The following KCNT2 variants were observed in gnomAD, a reference collection of about 807,000 sequenced individuals.
The protein encoded by KCNT2 is potassium sodium-activated channel subfamily T member 2.
KCNT2 carries 67 observed loss-of-function variants against 153.8 expected under a neutral mutation model. That is an observed-to-expected ratio of 0.44 (90% CI 0.36 to 0.53). The LOEUF is 0.53. Among genes scored for constraint, KCNT2 ranks in the 20% least tolerant of loss-of-function variants. KCNT2 has a pLI of 0.00. For synonymous variants in KCNT2, 500 were observed against 458.8 expected, an observed-to-expected ratio of 1.09 and a Z score of -1.15; for missense variants, 975 against 1,354.8, an observed-to-expected ratio of 0.72 and a Z score of 4.40.
chr1:196,484,588 G>C (rs1421368196), intron 3 of KCNT2, among the ~76,000 whole-genome samples: 1 of 152,036 alleles, frequency 6.6e-6, no homozygotes, highest in Non-Finnish European at 1.5e-5. Context: ...TTTTTGTCAT[G>C]AAGTCTTTGC....
intron 14 of KCNT2, among the ~76,000 whole-genome samples, chr1:196,352,505 A>G (rs1164997757): frequency 6.6e-6 from 1 of 152,156 alleles, no homozygotes; most frequent in African/African-American, 2.4e-5. Context: ...AGGTGTTTGT[A>G]GTATTCTCTG....
At chr1:196,386,359 T>C (rs1669985131) in intron 13 of KCNT2, among the ~76,000 whole-genome samples, 1 of 152,178 alleles carries the variant, frequency 6.6e-6, no homozygotes, top group African/African-American at 2.4e-5. Context: ...AGTTTTGGGA[T>C]AGTTATGCAG....
At chr1:196,371,028 A>C (rs1156798287) in intron 14 of KCNT2, among the ~76,000 whole-genome samples, 1 of 151,880 alleles carries the variant, frequency 6.6e-6, no homozygotes, top group East Asian at 1.9e-4. Flanking sequence ...CCTGAATCTA[A>C]AGCAAAACCA....
At chr1:196,311,813 A>C (rs1052745896) in intron 21 of KCNT2, among the ~76,000 whole-genome samples, 1 of 151,700 alleles carries the variant, frequency 6.6e-6, no homozygotes, top group Non-Finnish European at 1.5e-5. Flanking sequence ...TTCTCAGTAA[A>C]ATGAAAATAA....
chr1:196,368,684 A>G (rs1356435233), intron 14 of KCNT2, among the ~76,000 whole-genome samples: 1 of 152,106 alleles, frequency 6.6e-6, no homozygotes, highest in Non-Finnish European at 1.5e-5. Context: ...ATTATGCTAT[A>G]CTATATTTGC....
At chr1:196,311,483 T>C (rs1489996675) in intron 21 of KCNT2, among the ~76,000 whole-genome samples, 2 of 151,888 alleles carry the variant, frequency 1.3e-5, no homozygotes, top group African/African-American at 4.8e-5. Context: ...CATTGCTCAT[T>C]ATCTTACAAG....
intron 8 of KCNT2, among the ~76,000 whole-genome samples, chr1:196,438,048 A>G (rs1165151162): frequency 2.0e-5 from 3 of 151,666 alleles, no homozygotes; most frequent in Admixed American, 6.6e-5. Context: ...TCAAATGAAA[A>G]GCAAATATAT....
intron 1 of KCNT2, among the ~76,000 whole-genome samples, chr1:196,560,022 G>A (rs979567147): frequency 4.6e-5 from 7 of 151,652 alleles, no homozygotes. Context: ...CTAAATATTC[G>A]ATTAATTATT....
At chr1:196,311,404 G>C (rs1662166541) in intron 21 of KCNT2, among the ~76,000 whole-genome samples, 1 of 151,730 alleles carries the variant, frequency 6.6e-6, no homozygotes, top group Non-Finnish European at 1.5e-5. Context: ...TCCTACTATA[G>C]ATCTAATGCA....
In KCNT2 at chr1:196,539,839, T is replaced by TTA. The variant is rs538100607; in HGVS notation, c.96-47500_96-47499dup. On this transcript the variant is annotated intron_variant, in intron 1 of 27. Coordinates refer to ENST00000294725, the MANE Select transcript of KCNT2 (RefSeq NM_198503.5). ...TATAATACATTTAAGTAAAAGTGTA[T>TTA]TATATATATAAATTATATCTATTAT... Among the ~76,000 whole-genome samples the TTA allele has an allele frequency of 6.7e-4, 101 of 151,652 alleles. 1 individual carries two copies. The highest frequency in any genetic ancestry group is 2.3e-3 in the African/African-American group (96 of 41,454).
intron 8 of KCNT2, among the ~76,000 whole-genome samples, chr1:196,434,587 T>G (rs1315023844): frequency 6.6e-6 from 1 of 151,990 alleles, no homozygotes; most frequent in African/African-American, 2.4e-5. Context: ...ACCTGTAGTT[T>G]GATAGATTAT....
chr1:196,247,143 A>G (rs773767200), intron 26 of KCNT2, among the ~76,000 whole-genome samples: 1 of 152,212 alleles, frequency 6.6e-6, no homozygotes, highest in African/African-American at 2.4e-5. Context: ...ATGTTTTTAC[A>G]TCAGATAAAA....
chr1:196,496,056 A>AT (rs577613721), intron 1 of KCNT2, among the ~76,000 whole-genome samples: 12 of 150,852 alleles, frequency 8.0e-5, no homozygotes, highest in East Asian at 2.0e-4. Context: ...CTTACATGTG[A>AT]TTTTTTTTTC....
At chr1:196,501,689 C>A (rs1680710725) in intron 1 of KCNT2, among the ~76,000 whole-genome samples, 1 of 152,134 alleles carries the variant, frequency 6.6e-6, no homozygotes, top group Non-Finnish European at 1.5e-5. Context: ...TCAGATTTCA[C>A]TACAACACAA....
intron 1 of KCNT2, among the ~76,000 whole-genome samples, chr1:196,556,102 C>T (rs1456342930): frequency 6.6e-5 from 10 of 151,340 alleles, no homozygotes; most frequent in Non-Finnish European, 1.5e-5. Context: ...GCAAAAATTT[C>T]TTGAGTAATA....
chr1:196,232,054 A>T (rs1240958813), intron 27 of KCNT2, among the ~76,000 whole-genome samples: 1 of 151,644 alleles, frequency 6.6e-6, no homozygotes. Flanking sequence ...CACAAAATAT[A>T]CTCCTTAATG....
chr1:196,336,742 T>C (rs1163928782), intron 16 of KCNT2, among the ~76,000 whole-genome samples: 1 of 152,186 alleles, frequency 6.6e-6, no homozygotes, highest in Non-Finnish European at 1.5e-5. Context: ...CACTTCTCAG[T>C]CCTTATGTTA....
intron 22 of KCNT2, among the ~76,000 whole-genome samples, chr1:196,301,004 A>G (rs139335237): frequency 2.0e-4 from 30 of 152,208 alleles, no homozygotes; most frequent in African/African-American, 7.0e-4. Flanking sequence ...AAGTTCCCTT[A>G]TTGGCCTAAA....
intron 11 of KCNT2, 136 bp from the exon 12 acceptor site, chr1:196,423,249 A>C: frequency 2.1e-6 from 1 of 473,134 alleles, no homozygotes; most frequent in Non-Finnish European, 3.7e-6. Context: ...AGCTTAAATG[A>C]AAGTTGAATT....
Sources: allele counts gnomAD v4.1 joint callset (sites outside exome capture counted in the v4.1 genomes callset), GRCh38; gene constraint gnomAD v4.1.1; transcripts MANE v1.5; gene names NCBI Gene and HGNC (gene_info 2026-07-23, HGNC 2026-07-21).